SUGCT: variants seen among roughly 807,000 people sequenced by gnomAD.
SUGCT encodes the protein succinyl-CoA:glutarate CoA-transferase.
In SUGCT, 41 loss-of-function variants were observed where a neutral mutation model predicts 55.0. That is an observed-to-expected ratio of 0.74 (90% CI 0.58 to 0.97). The LOEUF is 0.97. Ranked by LOEUF, SUGCT falls within the 50% of genes least tolerant of loss-of-function variation. SUGCT has a pLI of 0.00. For missense variants in SUGCT, 568 were observed against 547.8 expected (o/e 1.04, Z -0.37); for synonymous variants, 187 against 200.4 (o/e 0.93, Z 0.56).
Position 40,395,296 on chromosome 7 carries a change from C to T in SUGCT, c.817-53991C>T, listed in dbSNP as rs1038567146. 2.0e-5 allele frequency among the ~76,000 whole-genome samples: 3 copies of T among 151,826 alleles called. 1 individual carries two copies. The highest frequency in any genetic ancestry group is 7.3e-5 in the African/African-American group (3 of 41,336). On this transcript the variant is annotated intron_variant, in intron 9 of 13. Coordinates refer to ENST00000335693, the MANE Select transcript of SUGCT (RefSeq NM_001193313.2). ...CTGAGGTCAGGAGTTTGAGACTAGC[C>T]TGGTCAACATGGTGAAACCTCGTCT... is the stretch of plus-strand genomic sequence containing the variant.
the SUGCT span, among the ~76,000 whole-genome samples, chr7:40,940,397 T>C: frequency 2.6e-5 from 4 of 152,128 alleles, no homozygotes; most frequent in Admixed American, 2.6e-4. Flanking sequence ...TTTAGAATTG[T>C]TTTTTCTAAT....
At chr7:40,830,362 C>G (rs553971263) in intron 13 of SUGCT, among the ~76,000 whole-genome samples, 1 of 152,310 alleles carries the variant, frequency 6.6e-6, no homozygotes, top group South Asian at 2.1e-4. Flanking sequence ...CCTGCCCTCC[C>G]CTGTCCATGC....
intron 7 of SUGCT, among the ~76,000 whole-genome samples, chr7:40,274,233 T>A (rs551046081): frequency 6.6e-6 from 1 of 152,084 alleles, no homozygotes; most frequent in Admixed American, 6.6e-5. Flanking sequence ...TTTAAAACAT[T>A]GAAACATCAG....
chr7:40,442,176 A>T (rs1013988129), intron 9 of SUGCT, among the ~76,000 whole-genome samples: 2 of 152,174 alleles, frequency 1.3e-5, no homozygotes, highest in Non-Finnish European at 2.9e-5. Flanking sequence ...ATTAAGCCAT[A>T]TCTTAGCAGA....
chr7:40,173,741 A>G (rs1272214083), intron 1 of SUGCT, among the ~76,000 whole-genome samples: 2 of 152,016 alleles, frequency 1.3e-5, no homozygotes, highest in African/African-American at 4.8e-5. Context: ...TGGACTAGGA[A>G]ATCCAGCTAG....
chr7:40,462,513 C>T (rs1308789311), intron 11 of SUGCT, among the ~76,000 whole-genome samples: 2 of 151,940 alleles, frequency 1.3e-5, no homozygotes, highest in African/African-American at 2.4e-5. Flanking sequence ...GAAGAGAGAG[C>T]GTCAAGGGAG....
chr7:41,025,452 C>A, the SUGCT span, among the ~76,000 whole-genome samples: 1 of 152,042 alleles, frequency 6.6e-6, no homozygotes, highest in South Asian at 2.1e-4. Flanking sequence ...TCACTGCAAC[C>A]ACCGCCTTCT....
chr7:40,727,450 A>T (rs191939540), intron 12 of SUGCT, among the ~76,000 whole-genome samples: 1 of 152,194 alleles, frequency 6.6e-6, no homozygotes, highest in Non-Finnish European at 1.5e-5. Context: ...TATTTAGTCA[A>T]GTTCCAAGGC....
the SUGCT span, among the ~76,000 whole-genome samples, chr7:40,888,171 G>A: frequency 3.9e-5 from 6 of 152,166 alleles, no homozygotes; most frequent in Admixed American, 1.3e-4. Context: ...AGGAACTCAT[G>A]TTCGACTGAA....
the SUGCT span, among the ~76,000 whole-genome samples, chr7:41,024,683 C>T: frequency 1.4e-5 from 2 of 141,638 alleles, no homozygotes; most frequent in East Asian, 4.3e-4. Context: ...AAAAAGGATG[C>T]CTCGTTATAA....
chr7:40,432,610 C>T lies in SUGCT; in HGVS notation c.817-16677C>T, dbSNP rs368975558. 3.2e-4 allele frequency among the ~76,000 whole-genome samples: 48 copies of T among 147,766 alleles called. 1 individual carries two copies. The highest frequency in any genetic ancestry group is 2.4e-3 in the South Asian group (11 of 4,678). On this transcript the variant is annotated intron_variant, in intron 9 of 13. Coordinates refer to ENST00000335693, the MANE Select transcript of SUGCT (RefSeq NM_001193313.2). Reference sequence around the variant, plus strand: ...CTGAGGCAGGAGAATTGCTTGAACCCGGGAGGTGGATGTTGCAGTGAACCA... The same window carrying T: ...CTGAGGCAGGAGAATTGCTTGAACCTGGGAGGTGGATGTTGCAGTGAACCA...
At chr7:40,611,646 G>A (rs145396594) in intron 12 of SUGCT, among the ~76,000 whole-genome samples, 206 of 152,320 alleles carry the variant, frequency 1.4e-3, no homozygotes, top group African/African-American at 4.8e-3. Context: ...AGTACTCCTA[G>A]TAATAGCTAA....
the SUGCT span, among the ~76,000 whole-genome samples, chr7:41,022,761 G>T: frequency 3.3e-4 from 50 of 152,128 alleles, no homozygotes; most frequent in Middle Eastern, 6.8e-3. Flanking sequence ...AGATAAGCAT[G>T]TAAAAATAGG....
In SUGCT at chr7:40,788,507, G is replaced by C. The variant is rs541629797; in HGVS notation, c.1153+39010G>C. Reference sequence around the variant, plus strand: ...CACACATAAAACAAAGGTGAAAGTAGGAAGTTTTAACAAGAAAATAGAACA... The same window carrying C: ...CACACATAAAACAAAGGTGAAAGTACGAAGTTTTAACAAGAAAATAGAACA... On this transcript the variant is annotated intron_variant, in intron 13 of 13. Coordinates refer to ENST00000335693, the MANE Select transcript of SUGCT (RefSeq NM_001193313.2). Among the ~76,000 whole-genome samples, 194 of 152,268 alleles carry C rather than the reference G, an allele frequency of 1.3e-3. 1 individual carries two copies. The highest frequency in any genetic ancestry group is 2.9e-3 in the Admixed American group (44 of 15,280).
intron 9 of SUGCT, among the ~76,000 whole-genome samples, chr7:40,330,938 A>G (rs1220024692): frequency 6.6e-6 from 1 of 152,172 alleles, no homozygotes; most frequent in Non-Finnish European, 1.5e-5. Context: ...AGTGAAAATG[A>G]ATTTTATTTT....
chr7:40,721,190 G>A (rs956621861), intron 12 of SUGCT, among the ~76,000 whole-genome samples: 1 of 152,158 alleles, frequency 6.6e-6, no homozygotes, highest in African/African-American at 2.4e-5. Context: ...CTGTTGCTGT[G>A]TAAATGAGAA....
intron 7 of SUGCT, among the ~76,000 whole-genome samples, chr7:40,260,128 G>A (rs552316535): frequency 9.3e-4 from 141 of 152,306 alleles, no homozygotes; most frequent in African/African-American, 3.3e-3. Context: ...TCCATTGAGA[G>A]CACTACTAGG....
At chr7:40,981,267 AG>A in the SUGCT span, among the ~76,000 whole-genome samples, 3 of 152,176 alleles carry the variant, frequency 2.0e-5, no homozygotes, top group East Asian at 5.8e-4. Context: ...CTTGAAAGAT[AG>A]CACATGTTTG....
chr7:40,422,475 C>G (rs1787360986), intron 9 of SUGCT, among the ~76,000 whole-genome samples: 1 of 151,828 alleles, frequency 6.6e-6, no homozygotes, highest in Admixed American at 6.6e-5. Context: ...TTCCCACTAT[C>G]TTTCATCCTT....
Sources: gnomAD v4.1 joint callset for allele counts (sites outside exome capture counted in the v4.1 genomes callset) on GRCh38, gnomAD v4.1.1 for gene constraint, MANE v1.5 for transcripts, NCBI Gene and HGNC (gene_info 2026-07-23, HGNC 2026-07-21) for gene names.